The following ATP6V1A variants were observed in gnomAD, a reference collection of about 807,000 sequenced individuals.
ATP6V1A encodes ATPase H+ transporting V1 subunit A.
A neutral mutation model predicts 70.1 loss-of-function variants in ATP6V1A; 18 were observed. The ratio of observed to expected loss-of-function variants is 0.26; its 90% CI spans 0.18 to 0.38. ATP6V1A has a LOEUF of 0.38. ATP6V1A is among the 10% of genes least tolerant of loss of function. The pLI is 1.00. For missense variants in ATP6V1A, 424 were observed against 772.4 expected (o/e 0.55, Z 5.35); for synonymous variants, 232 against 253.8 (o/e 0.91, Z 0.82).
intron 8 of ATP6V1A, among the ~76,000 whole-genome samples, chr3:113,790,752 G>A (rs189599401): frequency 9.4e-4 from 143 of 152,304 alleles, no homozygotes; most frequent in Non-Finnish European, 9.1e-4. Context: ...ACTTTTGGAA[G>A]TTTCTTCAAG....
At chr3:113,764,505 A>T (rs1163838222) in intron 1 of ATP6V1A, among the ~76,000 whole-genome samples, 1 of 152,256 alleles carries the variant, frequency 6.6e-6, no homozygotes, top group East Asian at 1.9e-4. Context: ...ATCTTTCATT[A>T]GGTATTTTTA....
intron 12 of ATP6V1A, chr3:113,801,035 G>C (rs2108042607): frequency 6.6e-6 from 1 of 152,174 alleles, no homozygotes; most frequent in African/African-American, 2.4e-5. Flanking sequence ...TGGGCCTGTA[G>C]TCCCAGCTAC....
intron 1 of ATP6V1A, among the ~76,000 whole-genome samples, chr3:113,773,173 C>T (rs962200491): frequency 2.0e-5 from 3 of 151,826 alleles, no homozygotes; most frequent in Non-Finnish European, 2.9e-5. Context: ...CTCCTGACCT[C>T]GTGATCCACC....
intron 1 of ATP6V1A, among the ~76,000 whole-genome samples, chr3:113,752,269 A>G (rs1253794680): frequency 6.6e-6 from 1 of 151,906 alleles, no homozygotes; most frequent in East Asian, 1.9e-4. Flanking sequence ...TTCTTAGTTT[A>G]ATTTTTTTAA....
At chr3:113,786,480 C>T in intron 6 of ATP6V1A, 97 bp downstream of exon 6, 1 of 1,214,772 alleles carries the variant, frequency 8.2e-7, no homozygotes, top group Non-Finnish European at 1.1e-6. Flanking sequence ...GTGTTTAACA[C>T]TATAATACAT....
intron 1 of ATP6V1A, among the ~76,000 whole-genome samples, chr3:113,776,026 A>T (rs1708908232): frequency 6.6e-6 from 1 of 152,130 alleles, no homozygotes; most frequent in African/African-American, 2.4e-5. Context: ...GCCTGCTCTT[A>T]ATGGCTTCTT....
chr3:113,773,242 T>C (rs1459974759), intron 1 of ATP6V1A, among the ~76,000 whole-genome samples: 1 of 152,090 alleles, frequency 6.6e-6, no homozygotes, highest in Non-Finnish European at 1.5e-5. Flanking sequence ...CTGGCCAATA[T>C]TGGCTTTTTA....
At chr3:113,783,851 A>G (rs970177018) in intron 3 of ATP6V1A, among the ~76,000 whole-genome samples, 1 of 152,226 alleles carries the variant, frequency 6.6e-6, no homozygotes, top group African/African-American at 2.4e-5. Flanking sequence ...TCTGATTGCA[A>G]GATTGGAAAA....
At chr3:113,794,448 T>C (rs2108037697) in intron 8 of ATP6V1A, among the ~76,000 whole-genome samples, 1 of 152,338 alleles carries the variant, frequency 6.6e-6, no homozygotes, top group Admixed American at 6.5e-5. Context: ...TTGCTCAATA[T>C]AATAGATGTT....
At chr3:113,748,975 C>A (rs1274964723) in intron 1 of ATP6V1A, among the ~76,000 whole-genome samples, 1 of 152,070 alleles carries the variant, frequency 6.6e-6, no homozygotes, top group Non-Finnish European at 1.5e-5. Context: ...CATTGCACCA[C>A]GTAAGGAGAA....
intron 11 of ATP6V1A, among the ~76,000 whole-genome samples, chr3:113,796,284 A>AT (rs1306432829): frequency 6.6e-6 from 1 of 152,200 alleles, no homozygotes; most frequent in East Asian, 1.9e-4. Flanking sequence ...CCCAGAAGTT[A>AT]TTTCACTTCA....
chr3:113,775,229 C>G (rs1375987184), intron 1 of ATP6V1A, among the ~76,000 whole-genome samples: 1 of 137,864 alleles, frequency 7.3e-6, no homozygotes, highest in Non-Finnish European at 1.6e-5. Context: ...TCACAAGGAA[C>G]TTTTTTTTTT....
At chr3:113,798,220 G>A (rs111904789) in intron 11 of ATP6V1A, 23 bp from the exon 12 acceptor site, 6 of 1,604,846 alleles carry the variant, frequency 3.7e-6, no homozygotes, top group African/African-American at 1.3e-5. Context: ...TACTGTTTTT[G>A]TGTGTGTGTT....
intron 1 of ATP6V1A, among the ~76,000 whole-genome samples, chr3:113,759,287 GTT>G (rs34189516): frequency 3.8e-5 from 5 of 133,240 alleles, no homozygotes; most frequent in African/African-American, 8.3e-5. Context: ...ATAGTTACGG[GTT>G]TTTTTTTTTT....
intron 1 of ATP6V1A, among the ~76,000 whole-genome samples, chr3:113,774,420 A>G (rs953656821): frequency 3.5e-4 from 54 of 152,250 alleles, no homozygotes; most frequent in African/African-American, 1.1e-3. Flanking sequence ...ATTAGATTTT[A>G]CAGATGAAAC....
chr3:113,755,930 A>G (rs1708643082), intron 1 of ATP6V1A, among the ~76,000 whole-genome samples: 1 of 152,236 alleles, frequency 6.6e-6, no homozygotes, highest in Non-Finnish European at 1.5e-5. Flanking sequence ...AAACTGCCTC[A>G]TTCTTTTTAA....
chr3:113,775,151 C>T (rs959359819), intron 1 of ATP6V1A, among the ~76,000 whole-genome samples: 1 of 151,262 alleles, frequency 6.6e-6, no homozygotes, highest in African/African-American at 2.4e-5. Context: ...AACAGAATGG[C>T]TTTTTCCAAA....
rs1709082094 is a variant in ATP6V1A, at chr3:113,790,651, A to G, written c.988+811A>G. 5.3e-5 allele frequency among the ~76,000 whole-genome samples: 8 copies of G among 152,324 alleles called. 1 individual carries two copies. The South Asian group carries it at 1.7e-3, about 32-fold the overall frequency. On this transcript the variant is annotated intron_variant, in intron 8 of 14. Transcript: ENST00000273398. ...TCTGTAGCCATAAAGCCAATATTTG[A>G]ATTAGCTGTAGACCTACATTAAAAT...
At chr3:113,761,067 A>G (rs562622196) in intron 1 of ATP6V1A, among the ~76,000 whole-genome samples, 8 of 138,594 alleles carry the variant, frequency 5.8e-5, no homozygotes, top group Non-Finnish European at 1.1e-4. Context: ...CTCTGTCTCA[A>G]AGAAAAAAAA....
Sources: gnomAD v4.1 joint callset for allele counts (sites outside exome capture counted in the v4.1 genomes callset) on GRCh38, gnomAD v4.1.1 for gene constraint, MANE v1.5 for transcripts, NCBI Gene and HGNC (gene_info 2026-07-23, HGNC 2026-07-21) for gene names.